Variants in F2 observed in about 807,000 individuals in gnomAD.
F2 encodes the protein coagulation factor II, thrombin, also known as prothrombin.
A neutral mutation model predicts 81.9 loss-of-function variants in F2; 34 were observed. The ratio of observed to expected loss-of-function variants is 0.42; its 90% CI spans 0.32 to 0.55. The LOEUF is 0.55. Among genes scored for constraint, F2 ranks in the 20% least tolerant of loss-of-function variants. The probability of loss-of-function intolerance (pLI) is 0.18; values close to 1 mark genes in which losing one functional copy is unlikely to be tolerated. For synonymous variants in F2, 296 were observed against 326.4 expected (o/e 0.91, Z 1.01); for missense variants, 630 against 833.4 (o/e 0.76, Z 3.00).
chr11:46,723,987 A>G lies in F2; in HGVS notation c.559+469A>G, dbSNP rs1022100362. ...CTCAGTAAAGTCAGGGAATCAGGGGATCTGAGTGGGGGGATCTGCCAGCCT... is the reference window on the plus strand; with the variant it reads ...CTCAGTAAAGTCAGGGAATCAGGGGGTCTGAGTGGGGGGATCTGCCAGCCT... On this transcript the variant is annotated intron_variant, in intron 6 of 13. Transcript: ENST00000311907. The surrounding 1 kb of genome is among the most constrained non-coding windows in gnomAD (Gnocchi z 5.6). Among the ~76,000 whole-genome samples, 4 of 151,980 alleles carry G rather than the reference A, an allele frequency of 2.6e-5. No homozygotes were observed. Among genetic ancestry groups the G allele is most frequent in the African/African-American group, 9.7e-5 (4 of 41,384 alleles).
chr11:46,726,796 C>A lies in F2; in HGVS notation c.1089C>A (p.Arg363=). The change falls in exon 9 of 14, where the codon CGC becomes CGA. Residue 363 remains arginine (R), a synonymous_variant. Transcript: ENST00000311907. This position sits in a 1 kb window ranked among gnomAD's most constrained non-coding sequence, Gnocchi z 5.9. ...RELLESYIDG[R]IVEGSDAEIG... ...TCCTGGAATCCTACATCGACGGGCG[C>A]ATTGTGGAGGGCTCGGATGCAGAGA... is the stretch of plus-strand genomic sequence containing the variant. 6.2e-7 allele frequency: 1 copy of A among 1,614,206 alleles called. No homozygotes were observed. Among genetic ancestry groups the A allele is most frequent in the Non-Finnish European group, 8.5e-7 (1 of 1,180,038 alleles).
chr11:46,730,055 G>C (rs1208579296), intron 12 of F2, among the ~76,000 whole-genome samples: 2 of 152,140 alleles, frequency 1.3e-5, no homozygotes, highest in East Asian at 1.9e-4. Flanking sequence ...TTCTAAATAG[G>C]GTGGCCAGAC....
chr11:46,726,072 T>C lies in F2; in HGVS notation c.773T>C (p.Val258Ala). 3 of 1,614,084 alleles carry C rather than the reference T, an allele frequency of 1.9e-6. No homozygotes were observed. The highest frequency in any genetic ancestry group is 1.1e-5 in the South Asian group (1 of 91,076). Reference sequence around the variant, plus strand: ...GACTTCAACTCAGCTGTGCAGCTGGTGGAGAACTTCTGCCGCAACCCAGAC... The same window carrying C: ...GACTTCAACTCAGCTGTGCAGCTGGCGGAGAACTTCTGCCGCAACCCAGAC... ...HQDFNSAVQL[V>A]ENFCRNPDGD... The change falls in exon 7 of 14, where the codon GTG (valine) becomes GCG (alanine). Residue 258 changes from valine (V) to alanine (A), a missense_variant. By Grantham distance (64) the Val-to-Ala change is moderately conservative. Transcript: ENST00000311907. The surrounding 1 kb of genome is among the most constrained non-coding windows in gnomAD (Gnocchi z 5.9).
rs1216163217 is a variant in F2 at position 46,726,208 on chromosome 11, G to T, written c.874+35G>T. On this transcript the variant is annotated intron_variant, in intron 7 of 13. Coordinates refer to ENST00000311907, the MANE Select transcript of F2 (RefSeq NM_000506.5). This position sits in a 1 kb window ranked among gnomAD's most constrained non-coding sequence, Gnocchi z 5.9. ...CTGGGTAGGGGGCCTGAGTTGCAGGGACAAATCCTGGTGGGAATAACAACA... is the reference window on the plus strand; with the variant it reads ...CTGGGTAGGGGGCCTGAGTTGCAGGTACAAATCCTGGTGGGAATAACAACA... The T allele has an allele frequency of 1.9e-6, 3 of 1,609,338 alleles. No homozygotes were observed. Among genetic ancestry groups the T allele is most frequent in the Non-Finnish European group, 2.5e-6 (3 of 1,179,348 alleles).
intron 12 of F2, among the ~76,000 whole-genome samples, chr11:46,730,841 C>T (rs148715177): frequency 3.1e-4 from 44 of 140,172 alleles, no homozygotes; most frequent in African/African-American, 9.5e-4. Flanking sequence ...TTCTTTTTAC[C>T]CATAAATACT....
chr11:46,738,543 G>A (rs979637030), intron 12 of F2, among the ~76,000 whole-genome samples: 10 of 151,704 alleles, frequency 6.6e-5, no homozygotes, highest in South Asian at 2.1e-4. Flanking sequence ...ACATGATCAC[G>A]GCTCACTGCA....
chr11:46,720,415 C>T, intron 2 of F2, 108 bp from the exon 3 acceptor site: 1 of 1,270,674 alleles, frequency 7.9e-7, no homozygotes, highest in Non-Finnish European at 1.2e-6. Flanking sequence ...CAGAGCCTGC[C>T]CCCTGCGTGA....
intron 12 of F2, among the ~76,000 whole-genome samples, chr11:46,735,699 G>T (rs550022835): frequency 6.6e-6 from 1 of 151,776 alleles, no homozygotes; most frequent in African/African-American, 2.4e-5. Context: ...GAGGCGAGCG[G>T]ATCACCTGAG....
chr11:46,738,046 GTAGTGCA>G (rs2064955128), intron 12 of F2, among the ~76,000 whole-genome samples: 2 of 152,100 alleles, frequency 1.3e-5, no homozygotes, highest in South Asian at 4.2e-4. Context: ...CGCTCAGGCG[GTAGTGCA>G]GTGGTGCAAT....
chr11:46,735,868 G>A (rs866148071), intron 12 of F2, among the ~76,000 whole-genome samples: 1 of 151,656 alleles, frequency 6.6e-6, no homozygotes, highest in East Asian at 1.9e-4. Flanking sequence ...GTTGCAGTGA[G>A]CTGAGATCCC....
chr11:46,719,255 T>G lies in F2; in HGVS notation c.20T>G (p.Leu7Trp). 1 of 1,613,820 alleles carries G rather than the reference T, an allele frequency of 6.2e-7. No homozygotes were observed. The highest frequency in any genetic ancestry group is 1.3e-5 in the African/African-American group (1 of 75,068). ...CACACTATGGCGCACGTCCGAGGCT[T>G]GCAGCTGCCTGGCTGCCTGGCCCTG... MAHVRG[L>W]QLPGCLALAA... Residue 7 changes from leucine to tryptophan, a missense_variant, in exon 1 of 14, where the codon TTG becomes TGG. Coordinates refer to ENST00000311907, the MANE Select transcript of F2 (RefSeq NM_000506.5). This position sits in a 1 kb window ranked among gnomAD's most constrained non-coding sequence, Gnocchi z 4.7.
At position 46,719,917 on chromosome 11, in the gene F2, A is replaced by G. The variant is rs927977502; in HGVS notation, c.240+55A>G. 1.3e-6 allele frequency: 2 copies of G among 1,539,636 alleles called. No individual in the cohort carries two copies. Among genetic ancestry groups the G allele is most frequent in the Non-Finnish European group, 1.7e-6 (2 of 1,145,402 alleles). On this transcript the variant is annotated intron_variant, in intron 2 of 13. Coordinates refer to ENST00000311907, the MANE Select transcript of F2 (RefSeq NM_000506.5). This position sits in a 1 kb window ranked among gnomAD's most constrained non-coding sequence, Gnocchi z 4.7. ...GGCCTCAGACCGGGCCCAACTCTAG[A>G]CACTTCCACAGAGAAGCAAGCGAGG...
rs202003146 is a variant in F2, at chr11:46,729,406, G to A, written c.1499G>A (p.Arg500Gln). 48 of 1,614,076 alleles carry A rather than the reference G, an allele frequency of 3.0e-5. No individual in the cohort carries two copies. In the Admixed American group the frequency reaches 5.5e-4, roughly 18 times the overall value. The change falls in exon 12 of 14, where the codon CGG becomes CAG. Residue 500 changes from arginine to glutamine, a missense_variant. Coordinates refer to ENST00000311907, the MANE Select transcript of F2 (RefSeq NM_000506.5). ...TTGCTCCAGGCTGGATACAAGGGGC[G>A]GGTGACAGGCTGGGGCAACCTGAAG... ...ASLLQAGYKG[R>Q]VTGWGNLKET... is the part of the protein sequence containing the mutation.
At chr11:46,731,824 G>A (rs1331971668) in intron 12 of F2, among the ~76,000 whole-genome samples, 3 of 151,644 alleles carry the variant, frequency 2.0e-5, no homozygotes, top group African/African-American at 7.3e-5. Flanking sequence ...CTGACCTCTT[G>A]AGGAAGGCAA....
intron 12 of F2, among the ~76,000 whole-genome samples, chr11:46,738,599 G>T (rs145646437): frequency 1.3e-5 from 2 of 151,958 alleles, no homozygotes; most frequent in Non-Finnish European, 2.9e-5. Flanking sequence ...TTAGCCTCCC[G>T]AGTAGCTGGG....
In F2 at chr11:46,739,504, C is replaced by T. The variant is rs72550707; in HGVS notation, c.*96C>T. 279 of 1,520,036 alleles carry T rather than the reference C, an allele frequency of 1.8e-4. No individual in the cohort carries two copies. The African/African-American group carries it at 2.8e-3, about 15-fold the overall frequency. 94.2% of individuals were successfully genotyped at this position (1,520,036 alleles called of 1,614,324 possible). A position where few individuals can be genotyped will look rare whatever the true frequency, so the allele number is the denominator to read the frequency against. Reference sequence around the variant, plus strand: ...GGTTCCCAATAAAAGTGACTCTCAGCGAGCCTCAATGCTCCCAGTGCTATT... The same window carrying T: ...GGTTCCCAATAAAAGTGACTCTCAGTGAGCCTCAATGCTCCCAGTGCTATT... On this transcript the variant is annotated 3_prime_UTR_variant, in exon 14 of 14. Coordinates refer to ENST00000311907, the MANE Select transcript of F2 (RefSeq NM_000506.5).
In F2 at chr11:46,726,143, G is replaced by C. The variant is rs781480033; in HGVS notation, c.844G>C (p.Asp282His). Residue 282 changes from aspartate to histidine, a missense_variant, in exon 7 of 14, where the codon GAC (aspartate) becomes CAC (histidine). By Grantham distance (81) the Asp-to-His change is moderately conservative. Coordinates refer to ENST00000311907, the MANE Select transcript of F2 (RefSeq NM_000506.5). This position sits in a 1 kb window ranked among gnomAD's most constrained non-coding sequence, Gnocchi z 5.9. ...VWCYVAGKPGDFGYCDLNYCE... is the reference protein window; with the variant it reads ...VWCYVAGKPGHFGYCDLNYCE... The stretch of plus-strand genomic sequence containing the variant: ...GTGCTATGTGGCCGGGAAGCCTGGC[G>C]ACTTTGGGTACTGCGACCTCAACTA... 1 of 1,614,038 alleles carries C rather than the reference G, an allele frequency of 6.2e-7. No individual in the cohort carries two copies. The highest frequency in any genetic ancestry group is 1.7e-5 in the Admixed American group (1 of 60,018).
chr11:46,729,435 A>G lies in F2; in HGVS notation c.1528A>G (p.Thr510Ala), dbSNP rs756818453. The change falls in exon 12 of 14, where the codon ACG becomes GCG. Residue 510 changes from threonine to alanine, a missense_variant. By Grantham distance (58) the Thr-to-Ala change is moderately conservative. Coordinates refer to ENST00000311907, the MANE Select transcript of F2 (RefSeq NM_000506.5). ...RVTGWGNLKETWTANVGKGQP... is the reference protein window; with the variant it reads ...RVTGWGNLKEAWTANVGKGQP... Reference sequence around the variant, plus strand: ...GACAGGCTGGGGCAACCTGAAGGAGACGTGGACAGCCAACGTTGGTAAGGG... The same window carrying G: ...GACAGGCTGGGGCAACCTGAAGGAGGCGTGGACAGCCAACGTTGGTAAGGG... 2 of 1,614,010 alleles carry G rather than the reference A, an allele frequency of 1.2e-6. No homozygotes were observed. Among genetic ancestry groups the G allele is most frequent in the Non-Finnish European group, 1.7e-6 (2 of 1,180,006 alleles).
At position 46,728,298 on chromosome 11, in the gene F2, C is replaced by A; in HGVS notation, c.1298+135C>A. 2 of 1,049,616 alleles carry A rather than the reference C, an allele frequency of 1.9e-6. No homozygotes were observed. The highest frequency in any genetic ancestry group is 2.8e-6 in the Non-Finnish European group (2 of 701,828). 65.0% of individuals were successfully genotyped at this position (1,049,616 alleles called of 1,614,324 possible). A position where few individuals can be genotyped will look rare whatever the true frequency, so the allele number is the denominator to read the frequency against. ...GAATATAACATCCCAGCAGTCTCTG[C>A]TGGAAAGCCCATTTGGTCACGTCCT... On this transcript the variant is annotated intron_variant, in intron 10 of 13. Coordinates refer to ENST00000311907, the MANE Select transcript of F2 (RefSeq NM_000506.5). This position sits in a 1 kb window ranked among gnomAD's most constrained non-coding sequence, Gnocchi z 5.1.
Sources: gnomAD v4.1 joint callset for allele counts (sites outside exome capture counted in the v4.1 genomes callset) on GRCh38, gnomAD v4.1.1 for gene constraint, Gnocchi (gnomAD v3.1) non-coding constraint, MANE v1.5 for transcripts, NCBI Gene and HGNC (gene_info 2026-07-23, HGNC 2026-07-21) for gene names.